Variants in SH3BP4 observed in about 807,000 individuals in gnomAD.
SH3BP4 encodes SH3 domain-binding protein 4.
In SH3BP4, 33 loss-of-function variants were observed where a neutral mutation model predicts 65.5. That is an observed-to-expected ratio of 0.50 (90% CI 0.38 to 0.67). The LOEUF is 0.67. Among genes scored for constraint, SH3BP4 ranks in the 30% least tolerant of loss-of-function variants. The pLI, the probability that SH3BP4 is intolerant of heterozygous loss-of-function variation, is 0.00. For synonymous variants in SH3BP4, 552 were observed against 545.5 expected (o/e 1.01, Z -0.17); for missense variants, 1,134 against 1,261.4 (o/e 0.90, Z 1.53).
intron 2 of SH3BP4, among the ~76,000 whole-genome samples, chr2:235,032,336 C>T (rs1695232675): frequency 1.3e-5 from 2 of 152,356 alleles, no homozygotes; most frequent in Admixed American, 1.3e-4. Flanking sequence ...ACGTGAAAGG[C>T]CACATGGCAA....
rs1390395348 is a variant in SH3BP4 at position 235,026,414 on chromosome 2, A to C, written c.-132-8457A>C. Among the ~76,000 whole-genome samples the C allele has an allele frequency of 6.6e-6, 1 of 152,130 alleles. No individual in the cohort carries two copies. Among genetic ancestry groups the C allele is most frequent in the Admixed American group, 6.5e-5 (1 of 15,282 alleles). ...CTGGAGTCTGAGTCACCAGCTTGGC[A>C]CCCACAGTTAAGCCTTGAATGTGTG... On this transcript the variant is annotated intron_variant, in intron 2 of 5. Coordinates refer to ENST00000392011, the MANE Select transcript of SH3BP4 (RefSeq NM_014521.3). This position sits in a 1 kb window ranked among gnomAD's most constrained non-coding sequence, Gnocchi z 4.6.
At position 235,043,168 on chromosome 2, in the gene SH3BP4, C is replaced by T. The variant is rs186229981; in HGVS notation, c.2399C>T (p.Ser800Phe). 1.2e-4 allele frequency: 201 copies of T among 1,612,064 alleles called. 1 individual carries two copies. The highest frequency in any genetic ancestry group is 5.0e-4 in the Admixed American group (30 of 59,862). The change falls in exon 4 of 6, where the codon TCC becomes TTC. Residue 800 changes from serine to phenylalanine, a missense_variant. Physicochemically the swap from Ser to Phe is radical, Grantham distance 155 (BLOSUM62 -2). Coordinates refer to ENST00000392011, the MANE Select transcript of SH3BP4 (RefSeq NM_014521.3). Reference sequence around the variant, plus strand: ...GATAGTGAGCCCGAGCGGGTGGCGTCCGTCCTAGAAAAGCTGAAGGAGGAC... The same window carrying T: ...GATAGTGAGCCCGAGCGGGTGGCGTTCGTCCTAGAAAAGCTGAAGGAGGAC... ...ELDSEPERVA[S>F]VLEKLKEDCN...
At chr2:235,051,426 A>C (rs562323967) in intron 4 of SH3BP4, among the ~76,000 whole-genome samples, 7 of 152,096 alleles carry the variant, frequency 4.6e-5, no homozygotes, top group Admixed American at 6.5e-5. Flanking sequence ...TTTAGGAGGG[A>C]ATTGAGTCCC....
At position 235,052,229 on chromosome 2, in the gene SH3BP4, G is replaced by A. The variant is rs72987462; in HGVS notation, c.2479-333G>A. Reference sequence around the variant, plus strand: ...GTCTGCTTTCTCTTCTTATGAAGACGCCAGTCCTTGGTGACTTCCTCTAAT... The same window carrying A: ...GTCTGCTTTCTCTTCTTATGAAGACACCAGTCCTTGGTGACTTCCTCTAAT... On this transcript the variant is annotated intron_variant, in intron 4 of 5. Coordinates refer to ENST00000392011, the MANE Select transcript of SH3BP4 (RefSeq NM_014521.3). This position sits in a 1 kb window ranked among gnomAD's most constrained non-coding sequence, Gnocchi z 5.0. Among the ~76,000 whole-genome samples, 5,426 of 152,124 alleles carry A rather than the reference G, an allele frequency of 0.036. 115 individuals carry two copies. The highest frequency in any genetic ancestry group is 0.052 in the Non-Finnish European group (3,562 of 68,002).
chr2:234,982,324 G>C (rs547500577), intron 1 of SH3BP4, among the ~76,000 whole-genome samples: 3 of 152,244 alleles, frequency 2.0e-5, no homozygotes, highest in Admixed American at 1.3e-4. Flanking sequence ...TTCTGTGTTG[G>C]TGCCCTCCGC....
chr2:234,981,713 ACT>A (rs1693390006), intron 1 of SH3BP4: 1 of 140,478 alleles, frequency 7.1e-6, no homozygotes, highest in African/African-American at 2.8e-5. Context: ...GTCACGACTG[ACT>A]TTCGGGATGG....
chr2:234,998,579 G>A (rs1694000160), intron 2 of SH3BP4, among the ~76,000 whole-genome samples: 1 of 152,206 alleles, frequency 6.6e-6, no homozygotes, highest in South Asian at 2.1e-4. Flanking sequence ...CGAGGTGAAA[G>A]TCACATAACC....
chr2:234,976,357 A>AT lies in SH3BP4; in HGVS notation c.-206-18942dup, dbSNP rs1203333220. Among the ~76,000 whole-genome samples, 1 of 152,060 alleles carries AT rather than the reference A, an allele frequency of 6.6e-6. No homozygotes were observed. The highest frequency in any genetic ancestry group is 2.4e-5 in the African/African-American group (1 of 41,382). On this transcript the variant is annotated intron_variant, in intron 1 of 5. Coordinates refer to ENST00000392011, the MANE Select transcript of SH3BP4 (RefSeq NM_014521.3). This position sits in a 1 kb window ranked among gnomAD's most constrained non-coding sequence, Gnocchi z 4.7. ...TTTATTTATTCATTCAGTCACTTAG[A>AT]TTTTAAACTTGTGTTGACCTTATAG...
chr2:234,979,632 T>C (rs977984198), intron 1 of SH3BP4: 3 of 152,292 alleles, frequency 2.0e-5, no homozygotes, highest in African/African-American at 4.8e-5. Context: ...TTACATTATG[T>C]GGGCTTAGAA....
At chr2:234,962,413 C>A (rs1692735158) in intron 1 of SH3BP4, among the ~76,000 whole-genome samples, 1 of 152,110 alleles carries the variant, frequency 6.6e-6, no homozygotes, top group Non-Finnish European at 1.5e-5. Flanking sequence ...GCTGGGATTA[C>A]AGGTGTGAGC....
chr2:234,986,474 G>A (rs1574793773), intron 1 of SH3BP4, among the ~76,000 whole-genome samples: 1 of 152,228 alleles, frequency 6.6e-6, no homozygotes, highest in African/African-American at 2.4e-5. Context: ...AACCTGCCAT[G>A]GGAAAAGGAA....
At position 235,041,649 on chromosome 2, in the gene SH3BP4, G is replaced by A; in HGVS notation, c.880G>A (p.Ala294Thr). 1 of 1,613,926 alleles carries A rather than the reference G, an allele frequency of 6.2e-7. No homozygotes were observed. The highest frequency in any genetic ancestry group is 1.3e-5 in the African/African-American group (1 of 75,062). Reference protein sequence around the residue: ...RTAWLNHRKLARSCHDLDLLG... With the variant: ...RTAWLNHRKLTRSCHDLDLLG... ...TGCCTGGCTAAACCACAGGAAGCTG[G>A]CCCGGTCTTGCCACGACCTGGACTT... The change falls in exon 4 of 6, where the codon GCC becomes ACC. Residue 294 changes from alanine to threonine, a missense_variant. Coordinates refer to ENST00000392011, the MANE Select transcript of SH3BP4 (RefSeq NM_014521.3). The surrounding 1 kb of genome is among the most constrained non-coding windows in gnomAD (Gnocchi z 6.0).
intron 2 of SH3BP4, among the ~76,000 whole-genome samples, chr2:235,004,309 C>T (rs556413979): frequency 3.7e-4 from 57 of 152,222 alleles, no homozygotes; most frequent in African/African-American, 1.4e-3. Flanking sequence ...CTCGGTGGCA[C>T]TGGACCTCTT....
chr2:234,964,139 G>A (rs1574774598), intron 1 of SH3BP4, among the ~76,000 whole-genome samples: 1 of 152,178 alleles, frequency 6.6e-6, no homozygotes, highest in Non-Finnish European at 1.5e-5. Context: ...TTGGGGCTTC[G>A]TGAAACCCCA....
At chr2:235,048,744 G>A (rs936889544) in intron 4 of SH3BP4, among the ~76,000 whole-genome samples, 2 of 152,208 alleles carry the variant, frequency 1.3e-5, no homozygotes, top group African/African-American at 2.4e-5. Context: ...CATCTGCATC[G>A]TCTGTGGCTT....
At chr2:235,040,340 G>T (rs1188343581) in intron 3 of SH3BP4, among the ~76,000 whole-genome samples, 1 of 152,092 alleles carries the variant, frequency 6.6e-6, no homozygotes, top group Admixed American at 6.6e-5. Context: ...GGAACAGGTT[G>T]AGTTTGGAAA....
rs1695286786 is a variant in SH3BP4, at chr2:235,034,021, A to C, written c.-132-850A>C. Among the ~76,000 whole-genome samples, 2 of 152,136 alleles carry C rather than the reference A, an allele frequency of 1.3e-5. No homozygotes were observed. The highest frequency in any genetic ancestry group is 4.8e-5 in the African/African-American group (2 of 41,430). ...TCTGCCAGTTTCTCTTGGAGAGCAC[A>C]TGAAATTCACTGCTTTGAAATCGGC... On this transcript the variant is annotated intron_variant, in intron 2 of 5. Transcript: ENST00000392011. The surrounding 1 kb of genome is among the most constrained non-coding windows in gnomAD (Gnocchi z 6.2).
intron 2 of SH3BP4, among the ~76,000 whole-genome samples, chr2:235,017,802 A>G (rs1272926065): frequency 6.6e-6 from 1 of 152,156 alleles, no homozygotes; most frequent in Non-Finnish European, 1.5e-5. Flanking sequence ...GTGCCACATT[A>G]AATCTGTAAT....
At chr2:235,003,118 A>C (rs1294186446) in intron 2 of SH3BP4, among the ~76,000 whole-genome samples, 1 of 152,274 alleles carries the variant, frequency 6.6e-6, no homozygotes, top group Non-Finnish European at 1.5e-5. Flanking sequence ...TCTTCAAGCT[A>C]TCACACGTGA....
Sources: allele counts gnomAD v4.1 joint callset (sites outside exome capture counted in the v4.1 genomes callset), GRCh38; gene constraint gnomAD v4.1.1; non-coding constraint Gnocchi (gnomAD v3.1); transcripts MANE v1.5; gene names NCBI Gene and HGNC (gene_info 2026-07-23, HGNC 2026-07-21).